Variants in SIPA1L1 observed in about 807,000 individuals in gnomAD.
SIPA1L1 encodes the protein signal induced proliferation associated 1 like 1.
Under a neutral mutation model 162.7 loss-of-function variants are expected in SIPA1L1, and 26 were observed. That is an observed-to-expected ratio of 0.16 (90% confidence interval 0.12 to 0.22). The LOEUF (loss-of-function observed/expected upper bound fraction) is 0.22. Among genes scored for constraint, SIPA1L1 ranks in the 10% least tolerant of loss-of-function variants. The pLI is 1.00. For synonymous variants in SIPA1L1, 829 were observed against 837.4 expected (o/e 0.99, Z 0.17); for missense variants, 1,874 against 2,241.0 (o/e 0.84, Z 3.31).
intron 4 of SIPA1L1, among the ~76,000 whole-genome samples, chr14:71,545,025 G>A (rs1240986672): frequency 6.6e-6 from 1 of 151,998 alleles, no homozygotes; most frequent in Non-Finnish European, 1.5e-5. Context: ...ACCATGCCCA[G>A]TTAATTTTTA....
At chr14:71,530,545 T>C (rs2053338132) in intron 4 of SIPA1L1, among the ~76,000 whole-genome samples, 1 of 152,204 alleles carries the variant, frequency 6.6e-6, no homozygotes, top group Non-Finnish European at 1.5e-5. Context: ...GTAGGAATAT[T>C]TCAAATATAA....
At chr14:71,487,071 T>G (rs2048825061) in intron 2 of SIPA1L1, among the ~76,000 whole-genome samples, 1 of 152,164 alleles carries the variant, frequency 6.6e-6, no homozygotes, top group Non-Finnish European at 1.5e-5. Context: ...GGCACGGTGG[T>G]CTTTCTTCCC....
chr14:71,703,676 G>C (rs921656923), intron 15 of SIPA1L1, among the ~76,000 whole-genome samples: 1 of 152,218 alleles, frequency 6.6e-6, no homozygotes, highest in Non-Finnish European at 1.5e-5. Context: ...CATGTGAAAA[G>C]GATCCCTTCT....
intron 4 of SIPA1L1, among the ~76,000 whole-genome samples, chr14:71,560,811 C>G (rs1261914603): frequency 6.6e-6 from 1 of 152,150 alleles, no homozygotes; most frequent in Non-Finnish European, 1.5e-5. Flanking sequence ...CTTAGAAGCC[C>G]TGTGCATTTT....
chr14:71,482,516 CT>C (rs2048426890), intron 2 of SIPA1L1, among the ~76,000 whole-genome samples: 1 of 150,824 alleles, frequency 6.6e-6, no homozygotes, highest in African/African-American at 2.4e-5. Flanking sequence ...TAAGTAGCCA[CT>C]TTTTGTTGCC....
At position 71,671,184 on chromosome 14, in the gene SIPA1L1, T is replaced by G; in HGVS notation, c.2321T>G (p.Phe774Cys). Reference sequence around the variant, plus strand: ...CCTCCCATTCCTAAAGGGGTCACTTTCCCTAAGTCAAATGTGTTCAGGGAC... The same window carrying G: ...CCTCCCATTCCTAAAGGGGTCACTTGCCCTAAGTCAAATGTGTTCAGGGAC... The part of the protein sequence containing the change: ...FGPPIPKGVT[F>C]PKSNVFRDFL... The change falls in exon 11 of 24, where the codon TTC becomes TGC. Residue 774 changes from phenylalanine to cysteine, a missense_variant. By Grantham distance (205) the Phe-to-Cys change is radical. Transcript: ENST00000381232. 6.2e-7 allele frequency: 1 copy of G among 1,614,126 alleles called. No individual in the cohort carries two copies. Among genetic ancestry groups the G allele is most frequent in the Non-Finnish European group, 8.5e-7 (1 of 1,179,982 alleles).
chr14:71,378,070 G>C (rs531005546), intron 2 of SIPA1L1, among the ~76,000 whole-genome samples: 2 of 151,794 alleles, frequency 1.3e-5, no homozygotes, highest in Non-Finnish European at 2.9e-5. Context: ...TTTTGGTTTT[G>C]TATTTCCATT....
At chr14:71,336,734 A>G (rs1035933889) in intron 2 of SIPA1L1, among the ~76,000 whole-genome samples, 2 of 152,244 alleles carry the variant, frequency 1.3e-5, no homozygotes, top group African/African-American at 2.4e-5. Flanking sequence ...CATTCAGTAC[A>G]TGTGATTGCG....
intron 6 of SIPA1L1, among the ~76,000 whole-genome samples, chr14:71,621,271 C>T (rs958839833): frequency 1.3e-5 from 2 of 152,200 alleles, no homozygotes; most frequent in African/African-American, 4.8e-5. Flanking sequence ...GTTCGAAATC[C>T]TTGAAAGCTT....
At chr14:71,582,065 G>T (rs940166291) in intron 4 of SIPA1L1, among the ~76,000 whole-genome samples, 17 of 152,080 alleles carry the variant, frequency 1.1e-4, no homozygotes, top group South Asian at 2.1e-4. Context: ...TTCCACCATG[G>T]GTTGGGTGCA....
intron 8 of SIPA1L1, among the ~76,000 whole-genome samples, chr14:71,655,342 G>A (rs192443434): frequency 3.0e-4 from 45 of 152,228 alleles, no homozygotes; most frequent in African/African-American, 1.0e-3. Context: ...TGATGTATAT[G>A]TACCATGTTT....
At chr14:71,675,352 C>CTACAGTTTCCATCTGAAAAGCCA (rs879646421) in intron 12 of SIPA1L1, among the ~76,000 whole-genome samples, 1 of 149,606 alleles carries the variant, frequency 6.7e-6, no homozygotes, top group Non-Finnish European at 1.5e-5. Flanking sequence ...GCCCCTTTCA[C>CTACAGTTTCCATCTGAAAAGCCA]TACAGTTTCC....
intron 5 of SIPA1L1, among the ~76,000 whole-genome samples, chr14:71,594,341 G>C (rs1223813517): frequency 1.3e-5 from 2 of 152,064 alleles, no homozygotes; most frequent in African/African-American, 2.4e-5. Context: ...AATTTTAGTG[G>C]ATTATTTTTT....
chr14:71,431,551 A>G (rs913546822), intron 2 of SIPA1L1, among the ~76,000 whole-genome samples: 14 of 151,690 alleles, frequency 9.2e-5, no homozygotes, highest in African/African-American at 3.4e-4. Flanking sequence ...AAAATTAGCT[A>G]GGTATGGTGG....
At chr14:71,467,338 A>T (rs754338833) in intron 2 of SIPA1L1, 10 of 152,200 alleles carry the variant, frequency 6.6e-5, no homozygotes, top group Admixed American at 1.3e-4. Context: ...TTTAAAAAGA[A>T]ATTTCTCCAA....
intron 2 of SIPA1L1, among the ~76,000 whole-genome samples, chr14:71,472,773 A>G (rs867868441): frequency 6.8e-6 from 1 of 146,424 alleles, no homozygotes; most frequent in South Asian, 2.2e-4. Context: ...AAAAATAATC[A>G]TCTAGTATGT....
chr14:71,328,309 C>T (rs2034073520), intron 2 of SIPA1L1, among the ~76,000 whole-genome samples: 1 of 152,100 alleles, frequency 6.6e-6, no homozygotes, highest in Admixed American at 6.5e-5. Context: ...GTTAAAAGTG[C>T]TGATTTTCTG....
intron 2 of SIPA1L1, among the ~76,000 whole-genome samples, chr14:71,364,996 C>G (rs2038154260): frequency 6.6e-6 from 1 of 152,014 alleles, no homozygotes; most frequent in African/African-American, 2.4e-5. Flanking sequence ...ATGCACCTGC[C>G]TTAGCTTCCC....
At position 71,461,492 on chromosome 14, in the gene SIPA1L1, G is replaced by A. The variant is rs1351825143; in HGVS notation, c.-464-51251G>A. On this transcript the variant is annotated intron_variant, in intron 2 of 23. Transcript: ENST00000381232. The stretch of plus-strand genomic sequence containing the variant: ...TTGATTATTAAAATCCTCCTCTGCT[G>A]AGGTCACCTTTTGGTGAGCACTCAC... Among the ~76,000 whole-genome samples the A allele has an allele frequency of 2.0e-5, 3 of 152,132 alleles. No homozygotes were observed. The South Asian group carries it at 6.2e-4, about 32-fold the overall frequency.
Sources: allele counts gnomAD v4.1 joint callset (sites outside exome capture counted in the v4.1 genomes callset), GRCh38; gene constraint gnomAD v4.1.1; transcripts MANE v1.5; gene names NCBI Gene and HGNC (gene_info 2026-07-23, HGNC 2026-07-21).